Variants in REXO5 observed in about 807,000 individuals in gnomAD.
REXO5 encodes RNA exonuclease 5.
In REXO5, 48 loss-of-function variants were observed where a neutral mutation model predicts 88.5. The observed-to-expected ratio is 0.54, with a 90% CI of 0.43 to 0.69. REXO5 has a LOEUF of 0.69. Among genes scored for constraint, REXO5 ranks in the 30% least tolerant of loss-of-function variants. The pLI is 0.00. For synonymous variants in REXO5, 311 were observed against 336.5 expected (o/e 0.92, Z 0.83); for missense variants, 749 against 912.2 (o/e 0.82, Z 2.30).
intron 2 of REXO5, among the ~76,000 whole-genome samples, chr16:20,812,499 T>A (rs1325499914): frequency 4.6e-5 from 7 of 152,160 alleles, no homozygotes. Context: ...TACTCCATCC[T>A]GGGTGACAGA....
At chr16:20,811,642 G>A (rs1567380900) in intron 2 of REXO5, among the ~76,000 whole-genome samples, 1 of 152,134 alleles carries the variant, frequency 6.6e-6, no homozygotes, top group Non-Finnish European at 1.5e-5. Flanking sequence ...TCATTTATCT[G>A]TCTCTCCAAT....
intron 6 of REXO5, chr16:20,823,446 AT>A (rs2081216081): frequency 6.6e-6 from 1 of 152,106 alleles, no homozygotes; most frequent in Admixed American, 6.6e-5. Flanking sequence ...ATTTATAACC[AT>A]CTTTTTCTTG....
Position 20,825,901 on chromosome 16 carries a change from G to A in REXO5, c.774G>A (p.Met258Ile). ...SLVAEGGCCV[M>I]DELVKPENKI... Reference sequence around the variant, plus strand: ...TTGCTGAAGGAGGCTGCTGTGTTATGGATGAACTGGTCAAACCTGAAAACA... The same window carrying A: ...TTGCTGAAGGAGGCTGCTGTGTTATAGATGAACTGGTCAAACCTGAAAACA... Residue 258 changes from methionine to isoleucine, a missense_variant, in exon 8 of 20, where the codon ATG becomes ATA. Physicochemically the swap from Met to Ile is conservative, Grantham distance 10. Coordinates refer to ENST00000261377, the MANE Select transcript of REXO5 (RefSeq NM_030941.3). 1 of 1,613,992 alleles carries A rather than the reference G, an allele frequency of 6.2e-7. No individual in the cohort carries two copies. Among genetic ancestry groups the A allele is most frequent in the Non-Finnish European group, 8.5e-7 (1 of 1,179,964 alleles).
At chr16:20,830,085 C>G (rs527855801) in intron 11 of REXO5, among the ~76,000 whole-genome samples, 1 of 152,302 alleles carries the variant, frequency 6.6e-6, no homozygotes, top group South Asian at 2.1e-4. Flanking sequence ...GTTCTAAAAC[C>G]CTTTTGGTCT....
Position 20,845,041 on chromosome 16 carries a change from T to G in REXO5, c.1937-13T>G, listed in dbSNP as rs199803041. 1.1e-4 allele frequency: 177 copies of G among 1,610,636 alleles called. No individual in the cohort carries two copies. Among genetic ancestry groups the G allele is most frequent in the Non-Finnish European group, 1.3e-4 (156 of 1,177,908 alleles). ...GGCCCTTAATAACATAAGGTGGGGG[T>G]TCTTGCTTTCAGAATTCAAAAGTTT... On this transcript the variant is annotated splice_polypyrimidine_tract_variant and intron_variant, in intron 17 of 19. Coordinates refer to ENST00000261377, the MANE Select transcript of REXO5 (RefSeq NM_030941.3).
chr16:20,832,254 C>G lies in REXO5; in HGVS notation c.1257C>G (p.Asn419Lys). ...CAGCAGAAGTACTTCAGCACCCAAACACAAGGTAATATTTTCAGTTTGAAA... is the reference window on the plus strand; with the variant it reads ...CAGCAGAAGTACTTCAGCACCCAAAGACAAGGTAATATTTTCAGTTTGAAA... Reference protein sequence around the residue: ...KNTAEVLQHPNTSVLECLDSV... With the variant: ...KNTAEVLQHPKTSVLECLDSV... The change falls in exon 12 of 20, where the codon AAC becomes AAG. Residue 419 changes from asparagine (N) to lysine (K), a missense_variant. By Grantham distance (94) the Asn-to-Lys change is moderately conservative. Coordinates refer to ENST00000261377, the MANE Select transcript of REXO5 (RefSeq NM_030941.3). The G allele has an allele frequency of 1.2e-6, 2 of 1,600,058 alleles. No individual in the cohort carries two copies. Among genetic ancestry groups the G allele is most frequent in the African/African-American group, 2.7e-5 (2 of 74,460 alleles).
At position 20,807,020 on chromosome 16, in the gene REXO5, A is replaced by G. The variant is rs781619658; in HGVS notation, c.67A>G (p.Asn23Asp). The G allele has an allele frequency of 3.1e-6, 5 of 1,603,012 alleles. No homozygotes were observed. The Admixed American group carries it at 5.2e-5, about 17-fold the overall frequency. ...RKVRESRQAPNKLVGAAEAMK... is the reference protein window; with the variant it reads ...RKVRESRQAPDKLVGAAEAMK... ...GGTCAGGGAAAGCAGGCAGGCCCCA[A>G]ATAAGCTGGTCGGGGCAGCTGAGGC... The change falls in exon 2 of 20, where the codon AAT becomes GAT. Residue 23 changes from asparagine to aspartate, a missense_variant. Physicochemically the swap from Asn to Asp is conservative, Grantham distance 23 (BLOSUM62 1). Coordinates refer to ENST00000261377, the MANE Select transcript of REXO5 (RefSeq NM_030941.3).
At chr16:20,844,133 A>C (rs1263965632) in intron 16 of REXO5, 107 bp downstream of exon 16, 2 of 675,998 alleles carry the variant, frequency 3.0e-6, no homozygotes, top group African/African-American at 3.6e-5. Context: ...CCCACGCACA[A>C]GACTTTGTTA....
intron 3 of REXO5, 42 bp downstream of exon 3, chr16:20,813,344 C>CTTTTTTCTTTTTTT (rs71377687): frequency 6.2e-6 from 4 of 643,968 alleles, no homozygotes; most frequent in African/African-American, 2.2e-5. Context: ...CCAGCGGTTT[C>CTTTTTTCTTTTTTT]TTTTTTTTTT....
rs547722357 is a variant in REXO5, at chr16:20,845,203, C to T, written c.2086C>T (p.Arg696Cys). ...PPESTRLPGLRVVPPPFEQEA... is the reference protein window; with the variant it reads ...PPESTRLPGLCVVPPPFEQEA... ...TGAATCAACAAGGCTCCCAGGGCTT[C>T]GTGTTGTACCTCCCCCCTTTGAACA... Residue 696 changes from arginine (R) to cysteine (C), a missense_variant, in exon 18 of 20, where the codon CGT becomes TGT. Arg to Cys is a radical substitution (Grantham distance 180). Coordinates refer to ENST00000261377, the MANE Select transcript of REXO5 (RefSeq NM_030941.3). 14 of 1,613,586 alleles carry T rather than the reference C, an allele frequency of 8.7e-6. No homozygotes were observed. Among genetic ancestry groups the T allele is most frequent in the South Asian group, 7.7e-5 (7 of 90,958 alleles).
At chr16:20,815,373 G>A (rs2081065681) in intron 4 of REXO5, among the ~76,000 whole-genome samples, 1 of 152,056 alleles carries the variant, frequency 6.6e-6, no homozygotes, top group African/African-American at 2.4e-5. Context: ...CGCAAGATTG[G>A]GCACCCTTAA....
chr16:20,808,352 C>T (rs1339472243), intron 2 of REXO5, among the ~76,000 whole-genome samples: 2 of 152,176 alleles, frequency 1.3e-5, no homozygotes, highest in African/African-American at 2.4e-5. Context: ...GTGTTTGAGA[C>T]AGGGTCTCTG....
intron 2 of REXO5, among the ~76,000 whole-genome samples, chr16:20,810,558 G>A (rs1386507769): frequency 6.6e-6 from 1 of 151,934 alleles, no homozygotes; most frequent in Non-Finnish European, 1.5e-5. Context: ...CCACCACCAC[G>A]CCTGGCTAAT....
At chr16:20,819,558 C>A (rs1243552557) in intron 5 of REXO5, among the ~76,000 whole-genome samples, 1 of 150,390 alleles carries the variant, frequency 6.6e-6, no homozygotes, top group Non-Finnish European at 1.5e-5. Context: ...GAGTTGGAGA[C>A]CAGCCTGACC....
chr16:20,810,193 G>T (rs1304004936), intron 2 of REXO5, among the ~76,000 whole-genome samples: 2 of 152,134 alleles, frequency 1.3e-5, no homozygotes, highest in Non-Finnish European at 2.9e-5. Context: ...GGGTGCTATG[G>T]TGATGTTAAT....
chr16:20,811,985 C>T (rs542711854), intron 2 of REXO5, among the ~76,000 whole-genome samples: 2 of 152,266 alleles, frequency 1.3e-5, no homozygotes, highest in South Asian at 4.1e-4. Flanking sequence ...GGCTATGGCA[C>T]TGGTCCAAGC....
chr16:20,807,348 G>C (rs2080901890), intron 2 of REXO5: 1 of 459,448 alleles, frequency 2.2e-6, no homozygotes, highest in African/African-American at 2.0e-5. Flanking sequence ...GGAGGCCGAG[G>C]CGGGCGGATC....
chr16:20,807,866 G>A (rs1231336632), intron 2 of REXO5, among the ~76,000 whole-genome samples: 1 of 152,244 alleles, frequency 6.6e-6, no homozygotes, highest in Admixed American at 6.5e-5. Flanking sequence ...GTAGGGCGGG[G>A]GTCCCCAACC....
chr16:20,833,703 T>G (rs905848209), intron 13 of REXO5, among the ~76,000 whole-genome samples: 1 of 152,018 alleles, frequency 6.6e-6, no homozygotes, highest in African/African-American at 2.4e-5. Context: ...ATGTACACAC[T>G]CTCTCTTTCT....
Sources: allele counts gnomAD v4.1 joint callset (sites outside exome capture counted in the v4.1 genomes callset), GRCh38; gene constraint gnomAD v4.1.1; transcripts MANE v1.5; gene names NCBI Gene and HGNC (gene_info 2026-07-23, HGNC 2026-07-21).